Variants in LHPP observed in about 807,000 individuals in gnomAD.
The protein encoded by LHPP is phospholysine phosphohistidine inorganic pyrophosphate phosphatase, also known as hLHPP.
In LHPP, 24 loss-of-function variants were observed where a neutral mutation model predicts 30.3. The ratio of observed to expected loss-of-function variants is 0.79; its 90% CI spans 0.57 to 1.11. The LOEUF is 1.11. LHPP is among the 50% of genes most tolerant of loss of function. LHPP has a pLI of 0.00. For missense variants in LHPP, 356 were observed against 367.2 expected, an observed-to-expected ratio of 0.97 and a Z score of 0.25; for synonymous variants, 150 against 157.1, an observed-to-expected ratio of 0.95 and a Z score of 0.34.
chr10:124,466,858 G>A (rs572998988), intron 1 of LHPP, among the ~76,000 whole-genome samples: 22 of 151,952 alleles, frequency 1.4e-4, no homozygotes, highest in South Asian at 1.3e-3. Context: ...AAATATTAAC[G>A]TCTGGGCACA....
intron 6 of LHPP, among the ~76,000 whole-genome samples, chr10:124,562,963 A>G (rs1362581875): frequency 6.6e-6 from 1 of 152,010 alleles, no homozygotes; most frequent in African/African-American, 2.4e-5. Context: ...AAAAAGAATG[A>G]CTAAAATAAA....
chr10:124,607,504 C>G (rs946221445), intron 6 of LHPP, among the ~76,000 whole-genome samples: 1 of 152,224 alleles, frequency 6.6e-6, no homozygotes. Context: ...ACATAATTAG[C>G]CACGGACGCC....
chr10:124,462,020 C>T (rs535819966), intron 1 of LHPP, 33 bp downstream of exon 1: 18 of 1,199,406 alleles, frequency 1.5e-5, no homozygotes, highest in Non-Finnish European at 1.0e-6. Context: ...CTGGGGCCGC[C>T]GAGCTCTAAG....
In LHPP at chr10:124,506,475, C is replaced by T. The variant is rs149161660; in HGVS notation, c.624+8347C>T. On this transcript the variant is annotated intron_variant, in intron 5 of 6. Transcript: ENST00000368842. ...CCCTGGGGAGAACCGCAGCATTAAGCGGTATTAAGAGAACGGTTACGGAGA... is the reference window on the plus strand; with the variant it reads ...CCCTGGGGAGAACCGCAGCATTAAGTGGTATTAAGAGAACGGTTACGGAGA... 8.3e-3 allele frequency among the ~76,000 whole-genome samples: 1,261 copies of T among 151,718 alleles called. 8 individuals carry two copies. The highest frequency in any genetic ancestry group is 0.038 in the Middle Eastern group (11 of 292).
At chr10:124,607,850 G>A (rs561550889) in intron 6 of LHPP, among the ~76,000 whole-genome samples, 1 of 152,316 alleles carries the variant, frequency 6.6e-6, no homozygotes, top group East Asian at 1.9e-4. Flanking sequence ...GACCCGGGCC[G>A]CGGCCTCAGC....
In LHPP at chr10:124,576,764, C is replaced by T. The variant is rs545207878; in HGVS notation, c.717-36500C>T. Among the ~76,000 whole-genome samples, 28 of 152,116 alleles carry T rather than the reference C, an allele frequency of 1.8e-4. No individual in the cohort carries two copies. The highest frequency in any genetic ancestry group is 1.0e-3 in the Admixed American group (16 of 15,296). On this transcript the variant is annotated intron_variant, in intron 6 of 6. Transcript: ENST00000368842. The surrounding 1 kb of genome is among the most constrained non-coding windows in gnomAD (Gnocchi z 4.2). The stretch of plus-strand genomic sequence containing the variant: ...GGGCAGGAGTTACCTGCCCTGTAGA[C>T]GGGGAGACCACATTAGTGTTTGTGC...
chr10:124,487,681 C>T (rs1349088687), intron 2 of LHPP, among the ~76,000 whole-genome samples: 5 of 152,088 alleles, frequency 3.3e-5, no homozygotes, highest in East Asian at 1.9e-4. Context: ...TGAACTCAGG[C>T]GATCCGCCCA....
At chr10:124,588,738 T>C (rs944424296) in intron 6 of LHPP, among the ~76,000 whole-genome samples, 1 of 152,206 alleles carries the variant, frequency 6.6e-6, no homozygotes, top group Non-Finnish European at 1.5e-5. Context: ...TGACAGCAGC[T>C]TGCAGAGGAC....
chr10:124,595,784 C>T (rs998063207), intron 6 of LHPP, among the ~76,000 whole-genome samples: 1 of 152,222 alleles, frequency 6.6e-6, no homozygotes, highest in Non-Finnish European at 1.5e-5. Flanking sequence ...ATCTGGGACA[C>T]TTAAAAATAA....
intron 5 of LHPP, among the ~76,000 whole-genome samples, chr10:124,515,545 G>A (rs1030701319): frequency 3.3e-5 from 5 of 152,156 alleles, no homozygotes; most frequent in African/African-American, 1.2e-4. Context: ...GGTGCCAGAC[G>A]TGATCAATTT....
intron 1 of LHPP, among the ~76,000 whole-genome samples, chr10:124,463,516 C>G (rs1952465702): frequency 6.6e-6 from 1 of 152,100 alleles, no homozygotes; most frequent in Admixed American, 6.5e-5. Flanking sequence ...GCACCCGCCA[C>G]CACGCCCAGC....
At chr10:124,540,735 C>T (rs1028056115) in intron 6 of LHPP, among the ~76,000 whole-genome samples, 17 of 152,170 alleles carry the variant, frequency 1.1e-4, no homozygotes, top group South Asian at 2.1e-4. Context: ...CTTCTCCAGC[C>T]GGCCCTACAG....
chr10:124,497,081 T>C (rs1953737705), intron 4 of LHPP, 57 bp downstream of exon 4: 1 of 1,400,552 alleles, frequency 7.1e-7, no homozygotes. Context: ...CCTGGGACTT[T>C]TTGGGTCTTT....
rs1369478544 is a variant in LHPP at position 124,523,313 on chromosome 10, G to A, written c.716+6042G>A. On this transcript the variant is annotated intron_variant, in intron 6 of 6. Coordinates refer to ENST00000368842, the MANE Select transcript of LHPP (RefSeq NM_022126.4). The surrounding 1 kb of genome is among the most constrained non-coding windows in gnomAD (Gnocchi z 4.2). ...TGCTGAAGGGGTTTCCCCCCAGTGG[G>A]GTGGCCAGCCGATCTAGGATTCCAG... Among the ~76,000 whole-genome samples the A allele has an allele frequency of 6.6e-6, 1 of 152,228 alleles. No homozygotes were observed. The highest frequency in any genetic ancestry group is 1.5e-5 in the Non-Finnish European group (1 of 68,036).
chr10:124,539,357 G>T (rs1955116698), intron 6 of LHPP, among the ~76,000 whole-genome samples: 1 of 152,210 alleles, frequency 6.6e-6, no homozygotes. Context: ...CGGGTGAGGT[G>T]GCCCTGCCTG....
intron 6 of LHPP, among the ~76,000 whole-genome samples, chr10:124,608,274 C>T (rs943104259): frequency 6.6e-6 from 1 of 152,218 alleles, no homozygotes; most frequent in African/African-American, 2.4e-5. Context: ...GTCTGCCTGT[C>T]TGCCCCCCAC....
rs181731134 is a variant in LHPP, at chr10:124,579,352, C to T, written c.717-33912C>T. Among the ~76,000 whole-genome samples the T allele has an allele frequency of 1.1e-4, 17 of 152,320 alleles. No individual in the cohort carries two copies. In the South Asian group the frequency reaches 2.5e-3, roughly 22 times the overall value. On this transcript the variant is annotated intron_variant, in intron 6 of 6. Coordinates refer to ENST00000368842, the MANE Select transcript of LHPP (RefSeq NM_022126.4). ...CCCTCAACTATATTCGCGGACACGG[C>T]GCCAACAGGGGAAAACTTACATAGC... is the stretch of plus-strand genomic sequence containing the variant.
intron 1 of LHPP, among the ~76,000 whole-genome samples, chr10:124,474,114 A>G (rs1017272519): frequency 2.7e-5 from 4 of 149,968 alleles, no homozygotes; most frequent in South Asian, 2.1e-4. Context: ...ATAATTTTGA[A>G]GAGTGGGTTG....
At chr10:124,563,528 G>T (rs1948438001) in intron 6 of LHPP, among the ~76,000 whole-genome samples, 1 of 152,074 alleles carries the variant, frequency 6.6e-6, no homozygotes, top group Non-Finnish European at 1.5e-5. Context: ...AGGGCAGTGG[G>T]CGTGGCTATA....
Sources: allele counts gnomAD v4.1 joint callset (sites outside exome capture counted in the v4.1 genomes callset), GRCh38; gene constraint gnomAD v4.1.1; non-coding constraint Gnocchi (gnomAD v3.1); transcripts MANE v1.5; gene names NCBI Gene and HGNC (gene_info 2026-07-23, HGNC 2026-07-21).